Variants in PCDH9 observed in about 807,000 individuals in gnomAD.
PCDH9 encodes protocadherin-9.
Under a neutral mutation model 70.6 loss-of-function variants are expected in PCDH9, and 24 were observed. That is an observed-to-expected ratio of 0.34 (90% CI 0.25 to 0.48). PCDH9 has a LOEUF of 0.48. PCDH9 is among the 20% of genes least tolerant of loss of function. The probability of loss-of-function intolerance (pLI) is 0.99; values close to 1 mark genes in which losing one functional copy is unlikely to be tolerated. For missense variants in PCDH9, 1,281 were observed against 1,503.6 expected (o/e 0.85, Z 2.45); for synonymous variants, 562 against 558.5 (o/e 1.01, Z -0.09).
chr13:66,887,216 G>C (rs879075045), intron 3 of PCDH9, among the ~76,000 whole-genome samples: 1 of 151,590 alleles, frequency 6.6e-6, no homozygotes. Flanking sequence ...TGAATGTCTG[G>C]GCAGTCTCCC....
intron 2 of PCDH9, among the ~76,000 whole-genome samples, chr13:67,084,135 G>C (rs2086044475): frequency 6.6e-6 from 1 of 152,126 alleles, no homozygotes; most frequent in Non-Finnish European, 1.5e-5. Flanking sequence ...TGAAACAGTA[G>C]CCAAATAAGC....
intron 2 of PCDH9, among the ~76,000 whole-genome samples, chr13:67,045,992 T>C (rs573913165): frequency 1.3e-5 from 2 of 152,300 alleles, no homozygotes; most frequent in East Asian, 3.9e-4. Context: ...AGTGTTTAAC[T>C]ATAACTCCTC....
intron 3 of PCDH9, among the ~76,000 whole-genome samples, chr13:66,660,591 G>A (rs897143388): frequency 3.3e-5 from 5 of 152,130 alleles, no homozygotes; most frequent in Non-Finnish European, 7.4e-5. Flanking sequence ...ATTCTAAGTA[G>A]AGCAGTAGTT....
intron 4 of PCDH9, among the ~76,000 whole-genome samples, chr13:66,477,715 G>A (rs766078323): frequency 7.2e-5 from 11 of 152,112 alleles, no homozygotes; most frequent in Non-Finnish European, 1.5e-4. Context: ...GATGATTATT[G>A]TTATCAATAT....
chr13:67,038,286 T>G (rs1326360096), intron 2 of PCDH9, among the ~76,000 whole-genome samples: 3 of 152,184 alleles, frequency 2.0e-5, no homozygotes. Flanking sequence ...ATTTTGGAAC[T>G]TTAGAATATA....
intron 3 of PCDH9, among the ~76,000 whole-genome samples, chr13:66,720,572 T>C (rs1218663157): frequency 1.3e-5 from 2 of 152,116 alleles, no homozygotes; most frequent in South Asian, 2.1e-4. Flanking sequence ...ATGGACACTT[T>C]TTTCTTCTAA....
chr13:67,173,722 C>T (rs1037353737), intron 2 of PCDH9, among the ~76,000 whole-genome samples: 11 of 152,112 alleles, frequency 7.2e-5, no homozygotes, highest in African/African-American at 1.4e-4. Flanking sequence ...TTTTGAATTT[C>T]GAATTCTAAG....
intron 2 of PCDH9, among the ~76,000 whole-genome samples, chr13:67,196,646 G>A (rs2089072489): frequency 6.6e-6 from 1 of 151,976 alleles, no homozygotes; most frequent in African/African-American, 2.4e-5. Context: ...AATGAATACT[G>A]GGCAAGTGCA....
At chr13:67,113,766 C>G (rs2086706252) in intron 2 of PCDH9, among the ~76,000 whole-genome samples, 1 of 152,160 alleles carries the variant, frequency 6.6e-6, no homozygotes, top group African/African-American at 2.4e-5. Flanking sequence ...GCAGGATGGT[C>G]TTGAACTTCT....
At chr13:66,642,300 A>G (rs1207532412) in intron 3 of PCDH9, among the ~76,000 whole-genome samples, 1 of 152,064 alleles carries the variant, frequency 6.6e-6, no homozygotes, top group Non-Finnish European at 1.5e-5. Context: ...ATAAATTCTG[A>G]TATATGTTAT....
intron 4 of PCDH9, among the ~76,000 whole-genome samples, chr13:66,365,139 C>G (rs934768651): frequency 2.0e-5 from 3 of 152,144 alleles, no homozygotes; most frequent in Non-Finnish European, 4.4e-5. Context: ...ATACAGCCCC[C>G]TCTTACACTT....
Position 67,214,949 on chromosome 13 carries a change from T to TATATATAC in PCDH9, c.3036+10455_3036+10456insGTATATAT, listed in dbSNP as rs2089561213. The TATATATAC allele has an allele frequency of 2.9e-5, 2 of 68,330 alleles. 1 individual carries two copies. Among genetic ancestry groups the TATATATAC allele is most frequent in the South Asian group, 1.3e-3 (2 of 1,524 alleles). 4.2% of individuals were successfully genotyped at this position (68,330 alleles called of 1,614,324 possible). A position where few individuals can be genotyped will look rare whatever the true frequency, so the allele number is the denominator to read the frequency against. On this transcript the variant is annotated intron_variant, in intron 2 of 4. Transcript: ENST00000377865. Reference sequence around the variant, plus strand: ...ATTGCGAGCCAGATATATATATATATATATATATATATATATATATATATT... The same window carrying TATATATAC: ...ATTGCGAGCCAGATATATATATATATATATATACATATATATATATATATATATATATT...
intron 3 of PCDH9, among the ~76,000 whole-genome samples, chr13:66,731,708 C>A (rs2079082035): frequency 6.6e-6 from 1 of 151,900 alleles, no homozygotes; most frequent in Admixed American, 6.6e-5. Context: ...CAGTAAAGCC[C>A]AAAATAAAGG....
chr13:67,065,819 A>G (rs1414901288), intron 2 of PCDH9, among the ~76,000 whole-genome samples: 1 of 152,146 alleles, frequency 6.6e-6, no homozygotes, highest in Non-Finnish European at 1.5e-5. Context: ...TGGCACTTTG[A>G]TTTTATATCT....
intron 4 of PCDH9, among the ~76,000 whole-genome samples, chr13:66,336,241 G>A (rs751759964): frequency 3.3e-5 from 5 of 151,686 alleles, no homozygotes; most frequent in Non-Finnish European, 5.9e-5. Flanking sequence ...TCAATACTCC[G>A]CTTAAAGGCT....
At chr13:66,867,758 A>G (rs1355309839) in intron 3 of PCDH9, among the ~76,000 whole-genome samples, 1 of 152,044 alleles carries the variant, frequency 6.6e-6, no homozygotes, top group African/African-American at 2.4e-5. Flanking sequence ...TTATAATGTA[A>G]ATCATTTTGT....
intron 4 of PCDH9, among the ~76,000 whole-genome samples, chr13:66,599,201 A>G (rs1027278505): frequency 2.0e-5 from 3 of 151,774 alleles, no homozygotes; most frequent in African/African-American, 4.8e-5. Context: ...ATTGAGCTGT[A>G]TATTTTACTA....
chr13:66,351,904 A>G (rs1012875763), intron 4 of PCDH9, among the ~76,000 whole-genome samples: 35 of 150,856 alleles, frequency 2.3e-4, no homozygotes, highest in Non-Finnish European at 2.8e-4. Flanking sequence ...TAATGGCATG[A>G]TCTCACCTCA....
intron 4 of PCDH9, among the ~76,000 whole-genome samples, chr13:66,382,578 T>A (rs1465880683): frequency 6.6e-6 from 1 of 152,154 alleles, no homozygotes; most frequent in Non-Finnish European, 1.5e-5. Context: ...ACTTCTCACT[T>A]GATCAGTTAG....
Sources: allele counts gnomAD v4.1 joint callset (sites outside exome capture counted in the v4.1 genomes callset), GRCh38; gene constraint gnomAD v4.1.1; transcripts MANE v1.5; gene names NCBI Gene and HGNC (gene_info 2026-07-23, HGNC 2026-07-21).